The following CAMKK2 variants were observed in gnomAD, a reference collection of about 807,000 sequenced individuals.
The protein encoded by CAMKK2 is calcium/calmodulin dependent protein kinase kinase 2.
A neutral mutation model predicts 67.2 loss-of-function variants in CAMKK2; 30 were observed. The ratio of observed to expected loss-of-function variants is 0.45; its 90% CI spans 0.33 to 0.61. The LOEUF is 0.61. Among genes scored for constraint, CAMKK2 ranks in the 20% least tolerant of loss-of-function variants. The probability of loss-of-function intolerance (pLI) is 0.02; values close to 1 mark genes in which losing one functional copy is unlikely to be tolerated. For synonymous variants in CAMKK2, 322 were observed against 326.2 expected (o/e 0.99, Z 0.14); for missense variants, 643 against 802.0 (o/e 0.80, Z 2.39).
At chr12:121,244,475 A>G in intron 16 of CAMKK2, 98 bp downstream of exon 16, 2 of 1,159,364 alleles carry the variant, frequency 1.7e-6, no homozygotes, top group Non-Finnish European at 2.5e-6. Context: ...GGCTGGAAGG[A>G]GCATCTGCCC....
At chr12:121,278,251 C>G (rs1897151643) in intron 1 of CAMKK2, among the ~76,000 whole-genome samples, 1 of 152,174 alleles carries the variant, frequency 6.6e-6, no homozygotes, top group African/African-American at 2.4e-5. Context: ...CTTTACTTCT[C>G]CTTCTCATGG....
At chr12:121,254,653 A>G (rs10849862) in intron 9 of CAMKK2, among the ~76,000 whole-genome samples, 29,535 of 151,958 alleles carry the variant, frequency 0.19, 3,382 homozygotes, top group African/African-American at 0.29. Flanking sequence ...GACAAAAAAA[A>G]TAGAGCCCCA....
At chr12:121,255,977 A>C (rs765429311) in intron 7 of CAMKK2, among the ~76,000 whole-genome samples, 173 bp from the exon 8 acceptor site, 3 of 152,164 alleles carry the variant, frequency 2.0e-5, no homozygotes, top group Non-Finnish European at 2.9e-5. Flanking sequence ...TGCTTTGCTA[A>C]ATTTCCATCA....
At chr12:121,275,340 C>T (rs983780559) in intron 1 of CAMKK2, among the ~76,000 whole-genome samples, 5 of 151,696 alleles carry the variant, frequency 3.3e-5, no homozygotes, top group African/African-American at 7.3e-5. Context: ...AAAAATTAGC[C>T]GGGCATGGTG....
intron 14 of CAMKK2, 84 bp downstream of exon 14, chr12:121,248,522 C>T: frequency 6.5e-7 from 1 of 1,546,612 alleles, no homozygotes; most frequent in Non-Finnish European, 8.8e-7. Context: ...CTCCCGGGCA[C>T]CCGCCTGTGT....
At chr12:121,264,004 C>CAGGTGGGATGCCAAA (rs545437413) in intron 5 of CAMKK2, 65 bp from the exon 6 acceptor site, 6 of 1,431,762 alleles carry the variant, frequency 4.2e-6, no homozygotes, top group African/African-American at 1.4e-5. Context: ...AGGGCAGCTG[C>CAGGTGGGATGCCAAA]AGGTGGGATG....
chr12:121,279,563 G>T (rs910277636), intron 1 of CAMKK2, among the ~76,000 whole-genome samples: 11 of 152,362 alleles, frequency 7.2e-5, no homozygotes, highest in African/African-American at 2.6e-4. Flanking sequence ...GCCTGGCCAT[G>T]TAACCCTCAC....
intron 11 of CAMKK2, among the ~76,000 whole-genome samples, chr12:121,251,490 G>A (rs763793607): frequency 3.3e-5 from 5 of 152,064 alleles, no homozygotes; most frequent in Non-Finnish European, 5.9e-5. Context: ...AAAAATCTAC[G>A]TTTTTATTGC....
At chr12:121,273,275 G>A (rs1896117843) in intron 2 of CAMKK2, among the ~76,000 whole-genome samples, 2 of 151,946 alleles carry the variant, frequency 1.3e-5, no homozygotes, top group African/African-American at 4.8e-5. Context: ...TGGGGTGGTG[G>A]GGGAGGTGGT....
At chr12:121,283,076 C>T (rs558061237) in intron 1 of CAMKK2, among the ~76,000 whole-genome samples, 11 of 152,232 alleles carry the variant, frequency 7.2e-5, no homozygotes, top group East Asian at 5.8e-4. Flanking sequence ...TTCTTTAAGC[C>T]GCCCAGTGTG....
intron 3 of CAMKK2, 36 bp from the exon 4 acceptor site, chr12:121,269,617 G>A: frequency 6.4e-7 from 1 of 1,551,332 alleles, no homozygotes. Context: ...ATACTATCCA[G>A]AAGTTAAGAT....
chr12:121,253,523 A>G lies in CAMKK2; in HGVS notation c.908-51T>C. 1 of 1,492,760 alleles carries G rather than the reference A, an allele frequency of 6.7e-7. No homozygotes were observed. 92.5% of individuals were successfully genotyped at this position (1,492,760 alleles called of 1,614,324 possible). On this transcript the variant is annotated intron_variant, in intron 9 of 16. Coordinates refer to ENST00000404169, the MANE Select transcript of CAMKK2 (RefSeq NM_001270485.2). This position sits in a 1 kb window ranked among gnomAD's most constrained non-coding sequence, Gnocchi z 5.0. ...GAGATAGGGGCAGGAAAACCTCGTG[A>G]GCACCTCTATGCGGCCACATGGCCT...
intron 2 of CAMKK2, among the ~76,000 whole-genome samples, chr12:121,272,517 T>C (rs138938106): frequency 6.6e-6 from 1 of 152,126 alleles, no homozygotes; most frequent in East Asian, 1.9e-4. Context: ...TCATCTCCAA[T>C]TATGAAAGTT....
chr12:121,273,921 C>T (rs1171494363), intron 2 of CAMKK2, 135 bp downstream of exon 2: 5 of 683,052 alleles, frequency 7.3e-6, no homozygotes, highest in Non-Finnish European at 9.3e-6. Flanking sequence ...CCCCAAGGTT[C>T]CCTGGAGTCA....
chr12:121,256,076 CAAAGA>C (rs1478655524), intron 7 of CAMKK2, among the ~76,000 whole-genome samples: 2 of 152,088 alleles, frequency 1.3e-5, no homozygotes, highest in African/African-American at 4.8e-5. Flanking sequence ...ATCCACTGGT[CAAAGA>C]AAACACGGCA....
chr12:121,240,511 A>G lies in CAMKK2; in HGVS notation c.*188T>C. ...CCAGCCAGCGGCCACGGTCGACGTC[A>G]TGGAGTCAAGTCCTTTTTTTTTTTT... is the stretch of plus-strand genomic sequence containing the variant. On this transcript the variant is annotated 3_prime_UTR_variant, in exon 17 of 17. Coordinates refer to ENST00000404169, the MANE Select transcript of CAMKK2 (RefSeq NM_001270485.2). This position sits in a 1 kb window ranked among gnomAD's most constrained non-coding sequence, Gnocchi z 4.4. 6.5e-7 allele frequency: 1 copy of G among 1,532,632 alleles called. No homozygotes were observed. Among genetic ancestry groups the G allele is most frequent in the African/African-American group, 1.4e-5 (1 of 72,158 alleles). 94.9% of individuals were successfully genotyped at this position (1,532,632 alleles called of 1,614,324 possible).
At chr12:121,250,401 T>C (rs1354272106) in intron 11 of CAMKK2, among the ~76,000 whole-genome samples, 2 of 152,212 alleles carry the variant, frequency 1.3e-5, no homozygotes, top group Non-Finnish European at 2.9e-5. Context: ...CTTTGTGTTA[T>C]TTGTGGCAGC....
chr12:121,246,259 G>GT (rs970923072), intron 14 of CAMKK2, among the ~76,000 whole-genome samples: 13 of 150,434 alleles, frequency 8.6e-5, no homozygotes, highest in African/African-American at 3.2e-4. Context: ...GGAGCGGGGG[G>GT]GGGGAGGCGG....
chr12:121,251,002 G>T (rs1489369087), intron 11 of CAMKK2, among the ~76,000 whole-genome samples: 1 of 152,182 alleles, frequency 6.6e-6, no homozygotes, highest in South Asian at 2.1e-4. Flanking sequence ...GTGACAAATC[G>T]ATGCTTTCAC....
Sources: gnomAD v4.1 joint callset for allele counts (sites outside exome capture counted in the v4.1 genomes callset) on GRCh38, gnomAD v4.1.1 for gene constraint, Gnocchi (gnomAD v3.1) non-coding constraint, MANE v1.5 for transcripts, NCBI Gene and HGNC (gene_info 2026-07-23, HGNC 2026-07-21) for gene names.